Variants in DAB1 observed in about 807,000 individuals in gnomAD.
The protein encoded by DAB1 is DAB adaptor protein 1, also known as disabled homolog 1.
DAB1 carries 15 observed loss-of-function variants against 64.6 expected under a neutral mutation model. That is an observed-to-expected ratio of 0.23 (90% CI 0.16 to 0.36). The LOEUF (loss-of-function observed/expected upper bound fraction) is 0.36. Ranked by LOEUF, DAB1 falls within the 10% of genes least tolerant of loss-of-function variation. DAB1 has a pLI of 1.00. For missense variants in DAB1, 596 were observed against 706.7 expected (o/e 0.84, Z 1.78); for synonymous variants, 235 against 251.9 (o/e 0.93, Z 0.64).
intron 3 of DAB1, among the ~76,000 whole-genome samples, chr1:58,501,036 T>C (rs977498426): frequency 3.3e-5 from 5 of 152,210 alleles, no homozygotes; most frequent in African/African-American, 1.2e-4. Context: ...GCTCTTCATT[T>C]TTTCACCCAA....
At chr1:57,255,018 A>C (rs197647) in intron 2 of DAB1, among the ~76,000 whole-genome samples, 90,207 of 151,854 alleles carry the variant, frequency 0.59, 26,983 homozygotes, top group Admixed American at 0.68. Context: ...TTTTCTTTTT[A>C]GTGTTGAATC....
intron 5 of DAB1, among the ~76,000 whole-genome samples, chr1:58,062,286 T>C (rs1648549244): frequency 6.6e-6 from 1 of 152,200 alleles, no homozygotes; most frequent in South Asian, 2.1e-4. Flanking sequence ...CTCAGAAAGC[T>C]ACAGGGCTTG....
At chr1:57,693,370 A>G (rs1183715804) in intron 6 of DAB1, among the ~76,000 whole-genome samples, 5 of 152,148 alleles carry the variant, frequency 3.3e-5, no homozygotes, top group African/African-American at 7.2e-5. Flanking sequence ...AAATGCACCA[A>G]TCAGTGCTCT....
chr1:57,239,656 C>T (rs1668362711), intron 2 of DAB1, among the ~76,000 whole-genome samples: 1 of 152,178 alleles, frequency 6.6e-6, no homozygotes. Context: ...GTTCTGTTTT[C>T]CCTGCCTAGA....
At chr1:58,302,974 C>G (rs987051776) in intron 4 of DAB1, among the ~76,000 whole-genome samples, 2 of 152,156 alleles carry the variant, frequency 1.3e-5, no homozygotes, top group Non-Finnish European at 2.9e-5. Flanking sequence ...TGTTCCCCAC[C>G]TTTCCTCTAT....
chr1:58,160,418 A>G (rs1655473280), intron 4 of DAB1, among the ~76,000 whole-genome samples: 1 of 152,194 alleles, frequency 6.6e-6, no homozygotes, highest in Non-Finnish European at 1.5e-5. Flanking sequence ...AGGATAGAGT[A>G]ATGCCACTCA....
intron 6 of DAB1, among the ~76,000 whole-genome samples, chr1:57,661,119 A>T (rs2101669458): frequency 6.6e-6 from 1 of 151,890 alleles, no homozygotes; most frequent in Non-Finnish European, 1.5e-5. Flanking sequence ...CTGGCCTTGG[A>T]TAGTCTGGGG....
At chr1:58,109,085 G>A (rs760475188) in intron 5 of DAB1, among the ~76,000 whole-genome samples, 20 of 152,172 alleles carry the variant, frequency 1.3e-4, no homozygotes, top group Non-Finnish European at 2.8e-4. Context: ...AAACAAGGTG[G>A]AACCTAAACT....
intron 6 of DAB1, among the ~76,000 whole-genome samples, chr1:57,772,877 A>G (rs190094805): frequency 6.6e-6 from 1 of 152,230 alleles, no homozygotes; most frequent in East Asian, 1.9e-4. Flanking sequence ...TGTTAAGTTG[A>G]GGTCAAACTG....
chr1:58,528,063 T>A (rs1334215496), intron 1 of DAB1, among the ~76,000 whole-genome samples: 4 of 152,250 alleles, frequency 2.6e-5, no homozygotes, highest in Admixed American at 6.5e-5. Context: ...TAGCCACATG[T>A]CTGTGATGGC....
intron 3 of DAB1, among the ~76,000 whole-genome samples, chr1:58,502,745 A>G (rs1438714208): frequency 6.6e-6 from 1 of 152,242 alleles, no homozygotes; most frequent in Non-Finnish European, 1.5e-5. Context: ...ATGACTGTAT[A>G]TTCTAATTAA....
intron 4 of DAB1, among the ~76,000 whole-genome samples, chr1:58,182,660 T>C (rs972760006): frequency 2.0e-5 from 3 of 152,034 alleles, no homozygotes; most frequent in Non-Finnish European, 4.4e-5. Context: ...AATTTATATC[T>C]CTTTATTGAT....
intron 4 of DAB1, among the ~76,000 whole-genome samples, chr1:57,087,407 C>T (rs1437400001): frequency 1.3e-5 from 2 of 152,208 alleles, no homozygotes; most frequent in Admixed American, 1.3e-4. Flanking sequence ...AATAAGGAGT[C>T]ACCAAGGGAG....
intron 1 of DAB1, among the ~76,000 whole-genome samples, chr1:57,830,396 A>G (rs6674249): frequency 0.011 from 1,726 of 152,266 alleles, 27 homozygotes; most frequent in African/African-American, 0.038. Context: ...TTTTTAGCAC[A>G]TGACTAAATA....
chr1:57,789,418 G>A lies in DAB1; in HGVS notation n.551+94581C>T, dbSNP rs140451937. On this transcript the variant is annotated intron_variant and non_coding_transcript_variant, in intron 6 of 20. Transcript: ENST00000485760. ...CCTCAGACTTACACAACAGAAATGG[G>A]TGGCTTGAACAACAGAAATCTATTT... is the stretch of plus-strand genomic sequence containing the variant. Among the ~76,000 whole-genome samples the A allele has an allele frequency of 5.1e-3, 782 of 152,288 alleles. 5 individuals are homozygous for A. The highest frequency in any genetic ancestry group is 0.01 in the Middle Eastern group (3 of 294).
intron 2 of DAB1, among the ~76,000 whole-genome samples, chr1:57,245,614 TC>T (rs1277677420): frequency 3.3e-5 from 5 of 152,198 alleles, no homozygotes; most frequent in African/African-American, 1.2e-4. Context: ...CATGAACTCA[TC>T]CTTTTTTATG....
At chr1:57,856,321 T>A (rs1250548276) in intron 1 of DAB1, among the ~76,000 whole-genome samples, 1 of 152,176 alleles carries the variant, frequency 6.6e-6, no homozygotes, top group African/African-American at 2.4e-5. Flanking sequence ...CTTACCATGA[T>A]GGGCTGCAAT....
At chr1:57,088,070 T>C (rs1281153878) in intron 4 of DAB1, among the ~76,000 whole-genome samples, 4 of 152,218 alleles carry the variant, frequency 2.6e-5, no homozygotes, top group Non-Finnish European at 5.9e-5. Context: ...TTTCTTTTTT[T>C]GTTTTGTTTT....
At chr1:57,479,446 A>G (rs947392866) in intron 7 of DAB1, among the ~76,000 whole-genome samples, 1 of 148,712 alleles carries the variant, frequency 6.7e-6, no homozygotes, top group African/African-American at 2.4e-5. Context: ...CATATATAAT[A>G]TATATATTTT....
Sources: allele counts gnomAD v4.1 joint callset (sites outside exome capture counted in the v4.1 genomes callset), GRCh38; gene constraint gnomAD v4.1.1; transcripts MANE v1.5; gene names NCBI Gene and HGNC (gene_info 2026-07-23, HGNC 2026-07-21).